NCOA1: variants seen among roughly 807,000 people sequenced by gnomAD.
NCOA1 encodes the protein nuclear receptor coactivator 1.
In NCOA1, 35 loss-of-function variants were observed where a neutral mutation model predicts 150.9. That is an observed-to-expected ratio of 0.23 (90% CI 0.18 to 0.31). The LOEUF (loss-of-function observed/expected upper bound fraction) is 0.31. Ranked by LOEUF, NCOA1 falls within the 10% of genes least tolerant of loss-of-function variation. The pLI, the probability that NCOA1 is intolerant of heterozygous loss-of-function variation, is 1.00. For synonymous variants in NCOA1, 590 were observed against 630.0 expected (o/e 0.94, Z 0.95); for missense variants, 1,491 against 1,749.3 (o/e 0.85, Z 2.63).
chr2:24,742,081 C>T lies in NCOA1; in HGVS notation c.3601C>T (p.Arg1201Cys), dbSNP rs759962925. 11 of 1,614,184 alleles carry T rather than the reference C, an allele frequency of 6.8e-6. No homozygotes were observed. The highest frequency in any genetic ancestry group is 1.6e-4 in the Middle Eastern group (1 of 6,062). Reference protein sequence around the residue: ...AANPEASLANRNSMVSRGMTG... With the variant: ...AANPEASLANCNSMVSRGMTG... ...AAATCCTGAAGCATCCTTGGCCAAC[C>T]GCAACAGCATGGTGAGCAGAGGCAT... Residue 1201 changes from arginine (R) to cysteine (C), a missense_variant, in exon 19 of 23, where the codon CGC (arginine) becomes TGC (cysteine). Coordinates refer to ENST00000348332, the MANE Select transcript of NCOA1 (RefSeq NM_003743.5).
intron 21 of NCOA1, 107 bp downstream of exon 21, chr2:24,758,263 T>C: frequency 1.8e-6 from 2 of 1,109,838 alleles, no homozygotes; most frequent in Non-Finnish European, 2.5e-6. Context: ...ACTTCTTTAT[T>C]CTTTCCCACT....
intron 3 of NCOA1, among the ~76,000 whole-genome samples, chr2:24,629,809 CATACATACATAT>C (rs1270654790): frequency 8.2e-5 from 8 of 97,378 alleles, no homozygotes; most frequent in South Asian, 3.1e-4. Flanking sequence ...TTTTAAGTAA[CATACATACATAT>C]ATATATATAT....
intron 20 of NCOA1, among the ~76,000 whole-genome samples, chr2:24,755,465 A>T (rs1477653883): frequency 6.6e-6 from 1 of 152,254 alleles, no homozygotes; most frequent in Non-Finnish European, 1.5e-5. Flanking sequence ...ATATCTGTGG[A>T]ACCCACTCTG....
intron 1 of NCOA1, among the ~76,000 whole-genome samples, chr2:24,537,572 G>A (rs1330203277): frequency 6.6e-6 from 1 of 151,970 alleles, no homozygotes; most frequent in Non-Finnish European, 1.5e-5. Flanking sequence ...CAGGTGGGAT[G>A]TTGGGGAGAA....
intron 1 of NCOA1, among the ~76,000 whole-genome samples, chr2:24,517,416 T>C (rs1391623134): frequency 6.6e-6 from 1 of 152,022 alleles, no homozygotes; most frequent in Non-Finnish European, 1.5e-5. Flanking sequence ...GGAGTACACA[T>C]TGCATTTTCT....
intron 8 of NCOA1, among the ~76,000 whole-genome samples, chr2:24,689,654 G>A (rs1443600041): frequency 6.6e-6 from 1 of 152,158 alleles, no homozygotes. Flanking sequence ...GCCTCCCAAA[G>A]TGCTGGGATT....
At chr2:24,663,384 C>T (rs537861132) in intron 5 of NCOA1, among the ~76,000 whole-genome samples, 2 of 152,124 alleles carry the variant, frequency 1.3e-5, no homozygotes, top group East Asian at 1.9e-4. Context: ...ATTGTAATGG[C>T]CTGTTTTCTT....
intron 3 of NCOA1, among the ~76,000 whole-genome samples, chr2:24,599,813 C>T (rs188395712): frequency 2.0e-5 from 3 of 149,980 alleles, no homozygotes; most frequent in Non-Finnish European, 4.4e-5. Context: ...TCACTGCAAA[C>T]CTCTGCCTCC....
At chr2:24,675,336 T>C in intron 7 of NCOA1, among the ~76,000 whole-genome samples, 1 of 152,354 alleles carries the variant, frequency 6.6e-6, no homozygotes, top group Non-Finnish European at 1.5e-5. Flanking sequence ...AATCAAAATA[T>C]CTTAAGGAGG....
intron 1 of NCOA1, among the ~76,000 whole-genome samples, chr2:24,519,126 A>G (rs1664319169): frequency 6.6e-6 from 1 of 152,264 alleles, no homozygotes; most frequent in Non-Finnish European, 1.5e-5. Context: ...AAGACAGACA[A>G]GTAGATTGAT....
chr2:24,712,418 C>T (rs1009635418), intron 14 of NCOA1, among the ~76,000 whole-genome samples: 3 of 152,072 alleles, frequency 2.0e-5, no homozygotes, highest in Admixed American at 2.0e-4. Flanking sequence ...ATTGAATGGG[C>T]GGAAAGATGT....
chr2:24,701,761 A>G (rs576499818), intron 11 of NCOA1, among the ~76,000 whole-genome samples: 1 of 152,372 alleles, frequency 6.6e-6, no homozygotes, highest in African/African-American at 2.4e-5. Flanking sequence ...CAGTAATCCC[A>G]GTATTTTGAG....
At chr2:24,690,780 TAG>T (rs1672635708) in intron 8 of NCOA1, among the ~76,000 whole-genome samples, 1 of 148,012 alleles carries the variant, frequency 6.8e-6, no homozygotes, top group South Asian at 2.1e-4. Context: ...TTACTTGAAA[TAG>T]ATACCTTTTC....
chr2:24,518,579 A>G (rs1664300437), intron 1 of NCOA1, among the ~76,000 whole-genome samples: 1 of 152,196 alleles, frequency 6.6e-6, no homozygotes, highest in African/African-American at 2.4e-5. Flanking sequence ...TTGATTATCT[A>G]CGGATAGATT....
At chr2:24,728,569 G>A in intron 16 of NCOA1, 93 bp downstream of exon 16, 3 of 1,046,188 alleles carry the variant, frequency 2.9e-6, no homozygotes, top group African/African-American at 1.7e-5. Context: ...TACCCACTAT[G>A]CTTTAGCTGT....
chr2:24,566,020 T>A (rs1332747224), intron 2 of NCOA1, among the ~76,000 whole-genome samples: 4 of 152,116 alleles, frequency 2.6e-5, no homozygotes, highest in Non-Finnish European at 5.9e-5. Flanking sequence ...TCTCCTCTTC[T>A]CACCCACAAC....
intron 1 of NCOA1, among the ~76,000 whole-genome samples, chr2:24,496,295 C>T (rs1479360750): frequency 1.3e-5 from 2 of 152,168 alleles, no homozygotes; most frequent in Non-Finnish European, 2.9e-5. Context: ...ATCATTTAAA[C>T]TGATTCTTTC....
intron 17 of NCOA1, among the ~76,000 whole-genome samples, chr2:24,733,656 A>G (rs1298481454): frequency 6.6e-6 from 1 of 152,204 alleles, no homozygotes; most frequent in Non-Finnish European, 1.5e-5. Flanking sequence ...AGGCAGGAGA[A>G]TTGCTTGAAA....
intron 3 of NCOA1, among the ~76,000 whole-genome samples, chr2:24,623,075 G>A (rs1320871334): frequency 6.6e-6 from 1 of 152,202 alleles, no homozygotes; most frequent in Admixed American, 6.5e-5. Flanking sequence ...CAAGGATATT[G>A]AGAAGAAGCG....
Sources: allele counts gnomAD v4.1 joint callset (sites outside exome capture counted in the v4.1 genomes callset), GRCh38; gene constraint gnomAD v4.1.1; transcripts MANE v1.5; gene names NCBI Gene and HGNC (gene_info 2026-07-23, HGNC 2026-07-21).